The following HMG20A variants were observed in gnomAD, a reference collection of about 807,000 sequenced individuals.
HMG20A encodes high mobility group 20A.
HMG20A carries 17 observed loss-of-function variants against 43.9 expected under a neutral mutation model. The observed-to-expected ratio is 0.39, with a 90% confidence interval of 0.27 to 0.58. The LOEUF (loss-of-function observed/expected upper bound fraction) is 0.58, where lower values mean the gene tolerates loss of function less well. Among genes scored for constraint, HMG20A ranks in the 20% least tolerant of loss-of-function variants. HMG20A has a pLI of 0.59. For synonymous variants in HMG20A, 132 were observed against 147.5 expected (o/e 0.89, Z 0.76); for missense variants, 341 against 438.2 (o/e 0.78, Z 1.98).
chr15:77,433,358 A>T (rs887747253), intron 1 of HMG20A, among the ~76,000 whole-genome samples: 24 of 151,832 alleles, frequency 1.6e-4, no homozygotes, highest in Non-Finnish European at 3.4e-4. Flanking sequence ...AAAAAAAAAA[A>T]AAATTTCTTC....
chr15:77,500,728 C>G, the HMG20A span, among the ~76,000 whole-genome samples: 1 of 152,074 alleles, frequency 6.6e-6, no homozygotes, highest in Non-Finnish European at 1.5e-5. Context: ...ACCACCATGA[C>G]CGGCTAATTT....
chr15:77,460,387 T>C (rs1371539805), intron 2 of HMG20A, among the ~76,000 whole-genome samples: 1 of 152,122 alleles, frequency 6.6e-6, no homozygotes, highest in East Asian at 1.9e-4. Context: ...ACTGGAGGGA[T>C]GGAGTTGCCA....
the HMG20A span, among the ~76,000 whole-genome samples, chr15:77,491,376 C>T: frequency 2.4e-4 from 37 of 152,052 alleles, no homozygotes; most frequent in South Asian, 6.2e-4. Flanking sequence ...TTCTTGGGGC[C>T]GGTGGATTTT....
At chr15:77,433,272 T>A (rs1040503091) in intron 1 of HMG20A, among the ~76,000 whole-genome samples, 2 of 150,058 alleles carry the variant, frequency 1.3e-5, no homozygotes, top group African/African-American at 4.9e-5. Context: ...AGGCTAGGAG[T>A]TCGAGGTTAC....
intron 9 of HMG20A, among the ~76,000 whole-genome samples, chr15:77,479,974 A>T (rs1288396331): frequency 6.6e-6 from 1 of 152,094 alleles, no homozygotes; most frequent in Non-Finnish European, 1.5e-5. Flanking sequence ...CAAACAGGTA[A>T]CTCCCTGGTT....
the HMG20A span, among the ~76,000 whole-genome samples, chr15:77,512,406 G>A: frequency 1.3e-3 from 191 of 151,978 alleles, no homozygotes; most frequent in African/African-American, 4.5e-3. Flanking sequence ...TACATTTTAT[G>A]TGTATTTTAC....
chr15:77,467,378 C>T (rs2072766526), intron 4 of HMG20A, 71 bp downstream of exon 4: 1 of 1,293,350 alleles, frequency 7.7e-7, no homozygotes, highest in Non-Finnish European at 1.1e-6. Context: ...ATAAGAAAAG[C>T]AAAGAGGATG....
intron 3 of HMG20A, among the ~76,000 whole-genome samples, chr15:77,466,186 G>A (rs1399735902): frequency 6.6e-6 from 1 of 152,178 alleles, no homozygotes; most frequent in African/African-American, 2.4e-5. Flanking sequence ...TTCGAGACCA[G>A]CCTGATCAAC....
chr15:77,453,164 G>C lies in HMG20A; in HGVS notation c.-4-5240G>C, dbSNP rs1055966043. Among the ~76,000 whole-genome samples the C allele has an allele frequency of 2.6e-4, 39 of 152,318 alleles. No individual in the cohort carries two copies. The East Asian group carries it at 7.1e-3, about 28-fold the overall frequency. ...AAGAATCGCTTGAACCCAGGAGGTA[G>C]AGGTTGCAGTGAGCCAGGATCACAC... On this transcript the variant is annotated intron_variant, in intron 1 of 9. Transcript: ENST00000336216.
At chr15:77,434,149 G>A (rs2073520175) in intron 1 of HMG20A, among the ~76,000 whole-genome samples, 1 of 152,132 alleles carries the variant, frequency 6.6e-6, no homozygotes, top group South Asian at 2.1e-4. Context: ...TCATTGAATG[G>A]TGCCTGGTTT....
chr15:77,516,968 C>T, the HMG20A span, among the ~76,000 whole-genome samples: 235 of 152,300 alleles, frequency 1.5e-3, 2 homozygotes, highest in African/African-American at 5.0e-3. Context: ...ATCGCCTCCC[C>T]GCAGCATGGT....
At chr15:77,435,650 A>G (rs1055878789) in intron 1 of HMG20A, among the ~76,000 whole-genome samples, 2 of 152,056 alleles carry the variant, frequency 1.3e-5, no homozygotes, top group African/African-American at 4.8e-5. Flanking sequence ...GACTTGAAGG[A>G]CTGTATTATT....
the HMG20A span, among the ~76,000 whole-genome samples, chr15:77,490,763 G>A: frequency 6.6e-6 from 1 of 152,176 alleles, no homozygotes; most frequent in Non-Finnish European, 1.5e-5. Context: ...AAACATCACG[G>A]AAGAAAAATC....
At chr15:77,424,962 A>C (rs560732789) in intron 1 of HMG20A, among the ~76,000 whole-genome samples, 4 of 151,890 alleles carry the variant, frequency 2.6e-5, no homozygotes, top group South Asian at 4.2e-4. Context: ...CTCTGGGGGG[A>C]AAAAAATCTG....
intron 1 of HMG20A, among the ~76,000 whole-genome samples, chr15:77,438,616 T>G (rs1242868134): frequency 6.6e-6 from 1 of 152,206 alleles, no homozygotes; most frequent in Non-Finnish European, 1.5e-5. Context: ...TTAATTATTG[T>G]TTTTGAAGCT....
intron 1 of HMG20A, among the ~76,000 whole-genome samples, chr15:77,439,463 A>T (rs2073587325): frequency 6.6e-6 from 1 of 152,092 alleles, no homozygotes; most frequent in African/African-American, 2.4e-5. Context: ...TTTACTTGTT[A>T]TTGAGCTTCA....
intron 1 of HMG20A, among the ~76,000 whole-genome samples, chr15:77,457,753 G>A (rs1476438796): frequency 1.3e-5 from 2 of 152,126 alleles, no homozygotes; most frequent in Non-Finnish European, 2.9e-5. Flanking sequence ...ACCTGGAAGT[G>A]TGGTTTCTTT....
At chr15:77,447,291 T>A (rs924070850) in intron 1 of HMG20A, among the ~76,000 whole-genome samples, 1 of 152,204 alleles carries the variant, frequency 6.6e-6, no homozygotes, top group African/African-American at 2.4e-5. Flanking sequence ...AACACTCTGC[T>A]TGTAAAATGA....
intron 1 of HMG20A, among the ~76,000 whole-genome samples, chr15:77,439,444 T>A (rs1378456240): frequency 6.6e-6 from 1 of 152,228 alleles, no homozygotes; most frequent in Non-Finnish European, 1.5e-5. Context: ...TCTGTCACTA[T>A]ACGGTTGTTT....
Sources: gnomAD v4.1 joint callset for allele counts (sites outside exome capture counted in the v4.1 genomes callset) on GRCh38, gnomAD v4.1.1 for gene constraint, MANE v1.5 for transcripts, NCBI Gene and HGNC (gene_info 2026-07-23, HGNC 2026-07-21) for gene names.